The following AKT3 variants were observed in gnomAD, a reference collection of about 807,000 sequenced individuals.
AKT3 encodes RAC-gamma serine/threonine-protein kinase.
A neutral mutation model predicts 65.3 loss-of-function variants in AKT3; 15 were observed. That is an observed-to-expected ratio of 0.23 (90% confidence interval 0.15 to 0.35). AKT3 has a LOEUF of 0.35. Among genes scored for constraint, AKT3 ranks in the 10% least tolerant of loss-of-function variants. The probability of loss-of-function intolerance (pLI) is 1.00; values close to 1 mark genes in which losing one functional copy is unlikely to be tolerated. For synonymous variants in AKT3, 206 were observed against 183.8 expected (o/e 1.12, Z -0.98); for missense variants, 243 against 576.5 (o/e 0.42, Z 5.92).
At chr1:243,794,856 TCTG>T (rs1330795138) in intron 2 of AKT3, among the ~76,000 whole-genome samples, 3 of 152,218 alleles carry the variant, frequency 2.0e-5, no homozygotes. Flanking sequence ...CATAGGACTT[TCTG>T]CTTTCTCAGC....
At chr1:243,792,788 T>C (rs1351375162) in intron 2 of AKT3, among the ~76,000 whole-genome samples, 1 of 152,218 alleles carries the variant, frequency 6.6e-6, no homozygotes, top group Non-Finnish European at 1.5e-5. Context: ...ACAGGTTTCG[T>C]AGCTAGAACT....
intron 2 of AKT3, among the ~76,000 whole-genome samples, chr1:243,805,179 T>C (rs1422496443): frequency 6.6e-6 from 1 of 152,036 alleles, no homozygotes; most frequent in East Asian, 1.9e-4. Context: ...CACAGAGAAA[T>C]TCCCTCTTTT....
chr1:243,788,362 A>T lies in AKT3; in HGVS notation c.46+54763T>A, dbSNP rs572162774. Among the ~76,000 whole-genome samples the T allele has an allele frequency of 9.0e-4, 137 of 152,360 alleles. 1 individual carries two copies. The highest frequency in any genetic ancestry group is 3.1e-3 in the African/African-American group (127 of 41,586). On this transcript the variant is annotated intron_variant, in intron 2 of 13. Transcript: ENST00000673466. ...ATGATCATCCTAGGTATATTATAACAACTCTATATACATTTCATAGAATTT... is the reference window on the plus strand; with the variant it reads ...ATGATCATCCTAGGTATATTATAACTACTCTATATACATTTCATAGAATTT...
At chr1:243,629,690 G>A (rs1345439770) in intron 6 of AKT3, among the ~76,000 whole-genome samples, 3 of 152,188 alleles carry the variant, frequency 2.0e-5, no homozygotes, top group Non-Finnish European at 4.4e-5. Flanking sequence ...TACTCAGGAG[G>A]CTGAGGCAGG....
chr1:243,604,681 C>T (rs1443718297), intron 8 of AKT3, among the ~76,000 whole-genome samples: 1 of 152,166 alleles, frequency 6.6e-6, no homozygotes, highest in African/African-American at 2.4e-5. Flanking sequence ...AGTGCTCATT[C>T]TCTCCATGCA....
chr1:243,764,607 C>T (rs1355087757), intron 2 of AKT3, among the ~76,000 whole-genome samples: 4 of 151,882 alleles, frequency 2.6e-5, no homozygotes, highest in Non-Finnish European at 5.9e-5. Context: ...GTTAAAATCC[C>T]GAGTACTGAC....
intron 12 of AKT3, among the ~76,000 whole-genome samples, chr1:243,515,567 T>C (rs1175721977): frequency 6.6e-6 from 1 of 151,102 alleles, no homozygotes; most frequent in Non-Finnish European, 1.5e-5. Context: ...AAATCAATCT[T>C]ATATTCCTAG....
intron 12 of AKT3, among the ~76,000 whole-genome samples, chr1:243,537,365 T>C (rs753879360): frequency 2.2e-4 from 33 of 152,170 alleles, no homozygotes; most frequent in Non-Finnish European, 1.5e-4. Flanking sequence ...AGAAGTGCTA[T>C]ATTTCTAGCC....
At chr1:243,736,299 C>T (rs1275148170) in intron 2 of AKT3, among the ~76,000 whole-genome samples, 5 of 152,098 alleles carry the variant, frequency 3.3e-5, no homozygotes, top group Admixed American at 2.0e-4. Context: ...CTGGCACATA[C>T]CATAGTGAGT....
In AKT3 at chr1:243,695,543, A is replaced by C. The variant is rs749175251; in HGVS notation, c.172+48T>G. On this transcript the variant is annotated intron_variant, in intron 3 of 13. Coordinates refer to ENST00000673466, the MANE Select transcript of AKT3 (RefSeq NM_005465.7). ...CCTAAGATATCTGACACATAAAATC[A>C]TAAAAATAAATAAATACAAGATGAA... 3 of 1,504,332 alleles carry C rather than the reference A, an allele frequency of 2.0e-6. No individual in the cohort carries two copies. The South Asian group carries it at 3.8e-5, about 19-fold the overall frequency. 93.2% of individuals were successfully genotyped at this position (1,504,332 alleles called of 1,614,324 possible).
intron 11 of AKT3, among the ~76,000 whole-genome samples, chr1:243,552,240 G>C (rs986850122): frequency 8.1e-6 from 1 of 123,802 alleles, no homozygotes; most frequent in African/African-American, 3.1e-5. Context: ...AGTGAGTCAA[G>C]ATCGCGCCAC....
At chr1:243,600,775 A>G (rs891647361) in intron 8 of AKT3, among the ~76,000 whole-genome samples, 3 of 152,178 alleles carry the variant, frequency 2.0e-5, no homozygotes, top group Non-Finnish European at 1.5e-5. Context: ...TTGACTTTAG[A>G]AAAAAATCTT....
chr1:243,664,071 A>C (rs947940892), intron 4 of AKT3, among the ~76,000 whole-genome samples: 1 of 152,016 alleles, frequency 6.6e-6, no homozygotes, highest in African/African-American at 2.4e-5. Context: ...CTTACAACTA[A>C]TTTAGAATGG....
chr1:243,615,656 G>A (rs145235112), intron 6 of AKT3, among the ~76,000 whole-genome samples: 1 of 152,188 alleles, frequency 6.6e-6, no homozygotes, highest in African/African-American at 2.4e-5. Context: ...GCAATATTTA[G>A]TTCTAAATTA....
Position 243,850,112 on chromosome 1 carries a change from G to T in AKT3, c.-185C>A, listed in dbSNP as rs1432037389. 1 of 166,118 alleles carries T rather than the reference G, an allele frequency of 6.0e-6. No homozygotes were observed. The highest frequency in any genetic ancestry group is 1.2e-5 in the Non-Finnish European group (1 of 81,986). The allele number at this position is 166,118 out of a possible 1,614,324, so 10.3% of individuals were successfully genotyped here. A position where few individuals can be genotyped will look rare whatever the true frequency, so the allele number is the denominator to read the frequency against. On this transcript the variant is annotated 5_prime_UTR_variant, in exon 1 of 14. Coordinates refer to ENST00000673466, the MANE Select transcript of AKT3 (RefSeq NM_005465.7). ...CGGCGGAGGATGGAGCCGGGGGGGG[G>T]CGGGGGGAGGAGAGGGGGCGACTCG...
intron 2 of AKT3, among the ~76,000 whole-genome samples, chr1:243,701,302 T>C (rs926947501): frequency 1.6e-4 from 25 of 152,194 alleles, no homozygotes; most frequent in African/African-American, 6.0e-4. Context: ...AAATAGATCA[T>C]GTTGATGAAT....
intron 12 of AKT3, among the ~76,000 whole-genome samples, chr1:243,543,554 T>C (rs6697724): frequency 1.9e-4 from 29 of 152,292 alleles, no homozygotes; most frequent in African/African-American, 7.0e-4. Context: ...AATAAAACCA[T>C]GCATGATTTC....
At chr1:243,709,529 A>G (rs1686016525) in intron 2 of AKT3, among the ~76,000 whole-genome samples, 2 of 152,070 alleles carry the variant, frequency 1.3e-5, no homozygotes, top group South Asian at 4.1e-4. Flanking sequence ...TGAATAAATT[A>G]GATTTTTAAA....
intron 2 of AKT3, among the ~76,000 whole-genome samples, chr1:243,711,908 A>T (rs1475220018): frequency 6.6e-6 from 1 of 152,218 alleles, no homozygotes; most frequent in African/African-American, 2.4e-5. Context: ...ACTAAGATTT[A>T]GCAAATGGCT....
Sources: gnomAD v4.1 joint callset for allele counts (sites outside exome capture counted in the v4.1 genomes callset) on GRCh38, gnomAD v4.1.1 for gene constraint, MANE v1.5 for transcripts, NCBI Gene and HGNC (gene_info 2026-07-23, HGNC 2026-07-21) for gene names.